Variants in CLSTN2 observed in about 807,000 individuals in gnomAD.
CLSTN2 encodes the protein calsyntenin 2.
CLSTN2 carries 48 observed loss-of-function variants against 101.2 expected under a neutral mutation model. That is an observed-to-expected ratio of 0.47 (90% CI 0.38 to 0.60). The LOEUF is 0.60. Among genes scored for constraint, CLSTN2 ranks in the 20% least tolerant of loss-of-function variants. The pLI is 0.00. For missense variants in CLSTN2, 1,160 were observed against 1,238.2 expected, an observed-to-expected ratio of 0.94 and a Z score of 0.95; for synonymous variants, 481 against 463.6, an observed-to-expected ratio of 1.04 and a Z score of -0.48.
At chr3:140,312,121 T>C (rs1304199040) in intron 2 of CLSTN2, among the ~76,000 whole-genome samples, 1 of 152,224 alleles carries the variant, frequency 6.6e-6, no homozygotes, top group African/African-American at 2.4e-5. Context: ...GATGTTTATT[T>C]TTAATGAGAG....
chr3:139,986,778 C>T (rs922609576), intron 1 of CLSTN2, among the ~76,000 whole-genome samples: 1 of 152,160 alleles, frequency 6.6e-6, no homozygotes, highest in Non-Finnish European at 1.5e-5. Flanking sequence ...GGATGTCTCT[C>T]ATGGACTAAC....
chr3:140,240,871 C>A (rs1357164439), intron 2 of CLSTN2, among the ~76,000 whole-genome samples: 5 of 152,096 alleles, frequency 3.3e-5, no homozygotes. Flanking sequence ...GCCTTTATAT[C>A]CCCTCTCCAT....
chr3:140,433,543 C>A (rs2088658419), intron 5 of CLSTN2, among the ~76,000 whole-genome samples: 1 of 152,168 alleles, frequency 6.6e-6, no homozygotes, highest in South Asian at 2.1e-4. Flanking sequence ...TGTCTCCCTG[C>A]AGGGAGTCAG....
chr3:140,343,681 T>TTATTA (rs2087513625), intron 2 of CLSTN2, among the ~76,000 whole-genome samples: 1 of 152,228 alleles, frequency 6.6e-6, no homozygotes, highest in African/African-American at 2.4e-5. Flanking sequence ...AGACAAAATA[T>TTATTA]TATTATAATG....
chr3:140,021,636 C>T (rs895296658), intron 1 of CLSTN2, among the ~76,000 whole-genome samples: 12 of 152,108 alleles, frequency 7.9e-5, no homozygotes, highest in South Asian at 2.1e-4. Context: ...AGGAAGTACA[C>T]GTGACCACTC....
intron 2 of CLSTN2, among the ~76,000 whole-genome samples, chr3:140,224,386 T>A (rs1053449776): frequency 1.3e-5 from 2 of 152,228 alleles, no homozygotes; most frequent in African/African-American, 4.8e-5. Context: ...GGTTATTATT[T>A]TTTAGTCATT....
chr3:140,324,520 A>G, intron 2 of CLSTN2, among the ~76,000 whole-genome samples: 1 of 152,224 alleles, frequency 6.6e-6, no homozygotes. Flanking sequence ...AGTAGACCAA[A>G]ATGTTGACAG....
At chr3:140,014,409 G>A (rs1237672812) in intron 1 of CLSTN2, among the ~76,000 whole-genome samples, 1 of 152,008 alleles carries the variant, frequency 6.6e-6, no homozygotes, top group Non-Finnish European at 1.5e-5. Context: ...AGTAGAGACG[G>A]AGTTTCACTA....
intron 1 of CLSTN2, among the ~76,000 whole-genome samples, chr3:139,937,104 G>C (rs562112526): frequency 1.3e-5 from 2 of 151,984 alleles, no homozygotes; most frequent in Non-Finnish European, 2.9e-5. Context: ...TACTTTTTTG[G>C]GGGGTGGGGG....
intron 1 of CLSTN2, among the ~76,000 whole-genome samples, chr3:140,157,150 G>A (rs372986616): frequency 2.6e-5 from 4 of 152,020 alleles, no homozygotes; most frequent in African/African-American, 7.3e-5. Context: ...AAGATTGCTA[G>A]CATTTTGTTG....
At chr3:140,505,350 C>T (rs1248659121) in intron 8 of CLSTN2, among the ~76,000 whole-genome samples, 1 of 152,142 alleles carries the variant, frequency 6.6e-6, no homozygotes, top group Non-Finnish European at 1.5e-5. Context: ...TGTACTGGGG[C>T]TCCATTATAA....
At chr3:140,505,424 G>A (rs1934668391) in intron 8 of CLSTN2, among the ~76,000 whole-genome samples, 1 of 152,212 alleles carries the variant, frequency 6.6e-6, no homozygotes, top group Non-Finnish European at 1.5e-5. Flanking sequence ...AGGCAGCCAT[G>A]TGGTTGAAGG....
At chr3:140,425,933 A>G (rs778536129) in intron 5 of CLSTN2, among the ~76,000 whole-genome samples, 1 of 152,138 alleles carries the variant, frequency 6.6e-6, no homozygotes, top group Non-Finnish European at 1.5e-5. Flanking sequence ...GGAAGGGAGA[A>G]CTACTTCTCT....
At chr3:140,109,612 C>T (rs1233066958) in intron 1 of CLSTN2, among the ~76,000 whole-genome samples, 4 of 152,160 alleles carry the variant, frequency 2.6e-5, no homozygotes, top group Non-Finnish European at 5.9e-5. Context: ...CCCATAATGT[C>T]TGTGCTCTAT....
chr3:140,182,856 G>T (rs1298640452), intron 2 of CLSTN2, among the ~76,000 whole-genome samples: 2 of 152,170 alleles, frequency 1.3e-5, no homozygotes, highest in Non-Finnish European at 2.9e-5. Context: ...CTGTGAAGAT[G>T]GGCATACACA....
At chr3:140,101,922 G>A (rs2008972546) in intron 1 of CLSTN2, among the ~76,000 whole-genome samples, 1 of 152,174 alleles carries the variant, frequency 6.6e-6, no homozygotes, top group Admixed American at 6.6e-5. Context: ...AGGGAGGCAG[G>A]GGCATGTAGG....
chr3:140,501,139 C>T (rs184330901), intron 8 of CLSTN2, among the ~76,000 whole-genome samples: 91 of 152,252 alleles, frequency 6.0e-4, no homozygotes, highest in East Asian at 3.7e-3. Flanking sequence ...CAGTCACTCT[C>T]GCTCCCTCCA....
At chr3:140,359,784 A>T (rs1199131913) in intron 2 of CLSTN2, among the ~76,000 whole-genome samples, 1 of 152,160 alleles carries the variant, frequency 6.6e-6, no homozygotes, top group East Asian at 1.9e-4. Context: ...CTCATTTCCA[A>T]TTATATCCTC....
intron 6 of CLSTN2, chr3:140,452,668 G>T (rs1933280176): frequency 6.6e-6 from 1 of 152,270 alleles, no homozygotes; most frequent in South Asian, 2.1e-4. Context: ...GGAGGTACCT[G>T]AGTAGATGGA....
Sources: gnomAD v4.1 joint callset for allele counts (sites outside exome capture counted in the v4.1 genomes callset) on GRCh38, gnomAD v4.1.1 for gene constraint, MANE v1.5 for transcripts, NCBI Gene and HGNC (gene_info 2026-07-23, HGNC 2026-07-21) for gene names.